RBM25: variants seen among roughly 807,000 people sequenced by gnomAD.
RBM25 encodes RNA-binding protein 25.
In RBM25, 19 loss-of-function variants were observed where a neutral mutation model predicts 120.7. The observed-to-expected ratio is 0.16, with a 90% CI of 0.11 to 0.23. The LOEUF (loss-of-function observed/expected upper bound fraction) is 0.23. Among genes scored for constraint, RBM25 ranks in the 10% least tolerant of loss-of-function variants. The pLI, the probability that RBM25 is intolerant of heterozygous loss-of-function variation, is 1.00. For missense variants in RBM25, 605 were observed against 1,041.5 expected (o/e 0.58, Z 5.77); for synonymous variants, 390 against 326.7 (o/e 1.19, Z -2.09).
chr14:73,059,251 C>T (rs915302890), intron 1 of RBM25: 1 of 152,302 alleles, frequency 6.6e-6, no homozygotes, highest in South Asian at 2.1e-4. Context: ...GGGCCCCACC[C>T]CCTTGGAATT....
chr14:73,089,966 A>G (rs1895773993), intron 6 of RBM25, among the ~76,000 whole-genome samples: 1 of 152,110 alleles, frequency 6.6e-6, no homozygotes, highest in Non-Finnish European at 1.5e-5. Flanking sequence ...CTGTATTTCT[A>G]AAACATAAGT....
At chr14:73,103,932 TCTCTCTCTCTCTCTCTCACACACACACA>T (rs1450197038) in intron 10 of RBM25, among the ~76,000 whole-genome samples, 305 of 83,434 alleles carry the variant, frequency 3.7e-3, no homozygotes, top group East Asian at 0.016. Flanking sequence ...TCTCTCTCTC[TCTCTCTCTCTCTCTCTCACACACACACA>T]CACACACACA....
rs768061917 is a variant in RBM25 at position 73,105,911 on chromosome 14, A to AGAGAACGAGAGC, written c.1218_1229dup (p.Arg423_Glu426dup). The AGAGAACGAGAGC allele has an allele frequency of 6.2e-6, 10 of 1,613,030 alleles. No individual in the cohort carries two copies. Among genetic ancestry groups the AGAGAACGAGAGC allele is most frequent in the South Asian group, 1.1e-5 (1 of 90,932 alleles). On this transcript the variant is annotated inframe_insertion, in exon 11 of 19. Coordinates refer to ENST00000261973, the MANE Select transcript of RBM25 (RefSeq NM_021239.3). ...ACGAGAGCGGGAAAGAGAGAGAGAG[A>AGAGAACGAGAGC]GAGAACGAGAGCGAGAACGAGAACG...
At chr14:73,061,344 C>T (rs1382263241) in intron 1 of RBM25, among the ~76,000 whole-genome samples, 7 of 151,240 alleles carry the variant, frequency 4.6e-5, no homozygotes, top group African/African-American at 1.2e-4. Flanking sequence ...CGTGAGCCAC[C>T]GCACTTGGCC....
intron 3 of RBM25, 82 bp downstream of exon 3, chr14:73,076,450 AT>A (rs1895425184): frequency 2.4e-6 from 3 of 1,227,452 alleles, no homozygotes; most frequent in Non-Finnish European, 3.6e-6. Flanking sequence ...ACTTAGATAA[AT>A]TATGAGTATT....
In RBM25 at chr14:73,092,764, G is replaced by C. The variant is rs1200664436; in HGVS notation, c.544-4151G>C. On this transcript the variant is annotated intron_variant, in intron 6 of 18. Coordinates refer to ENST00000261973, the MANE Select transcript of RBM25 (RefSeq NM_021239.3). ...TCTTTTTTTTATGAGATGGGGTCTC[G>C]CGTTGTTGCCCAGGCTGGTGTCGAA... Among the ~76,000 whole-genome samples the C allele has an allele frequency of 1.3e-5, 2 of 151,702 alleles. 1 individual carries two copies. Among genetic ancestry groups the C allele is most frequent in the South Asian group, 4.2e-4 (2 of 4,798 alleles).
chr14:73,114,684 A>G (rs963810875), intron 18 of RBM25, among the ~76,000 whole-genome samples: 2 of 152,194 alleles, frequency 1.3e-5, no homozygotes, highest in African/African-American at 2.4e-5. Flanking sequence ...TCACAAGGTC[A>G]AGAGATCGAG....
At chr14:73,113,056 A>G (rs574907984) in intron 17 of RBM25, among the ~76,000 whole-genome samples, 1 of 152,004 alleles carries the variant, frequency 6.6e-6, no homozygotes, top group Non-Finnish European at 1.5e-5. Context: ...ATAGGAGTAC[A>G]TGTGCCATGG....
At chr14:73,118,069 G>T (rs1334477242) in intron 18 of RBM25, among the ~76,000 whole-genome samples, 1 of 152,200 alleles carries the variant, frequency 6.6e-6, no homozygotes, top group African/African-American at 2.4e-5. Context: ...TGTGTGCCCC[G>T]TGATGATTGT....
intron 15 of RBM25, 52 bp from the exon 16 acceptor site, chr14:73,111,476 A>G (rs1260731705): frequency 1.3e-6 from 2 of 1,515,138 alleles, no homozygotes; most frequent in Admixed American, 2.2e-5. Context: ...GGGTTATAAA[A>G]TGAAACATTT....
intron 9 of RBM25, chr14:73,101,777 G>A (rs1896061324): frequency 6.6e-6 from 1 of 152,076 alleles, no homozygotes; most frequent in Non-Finnish European, 1.5e-5. Flanking sequence ...CTTTATAAGT[G>A]TATGCCATTG....
chr14:73,068,875 A>ATT (rs1222436418), intron 1 of RBM25, among the ~76,000 whole-genome samples: 1 of 151,626 alleles, frequency 6.6e-6, no homozygotes, highest in Non-Finnish European at 1.5e-5. Flanking sequence ...CGCCCAGCCA[A>ATT]TTTACTGCAT....
chr14:73,076,177 A>C lies in RBM25; in HGVS notation c.107-142A>C. 3 of 700,754 alleles carry C rather than the reference A, an allele frequency of 4.3e-6. No individual in the cohort carries two copies. In the Middle Eastern group the frequency reaches 7.5e-4, roughly 175 times the overall value. The allele number at this position is 700,754 out of a possible 1,614,324, so 43.4% of individuals were successfully genotyped here. On this transcript the variant is annotated intron_variant, in intron 2 of 18. Transcript: ENST00000261973. ...CTGATACCACATTCCTTTTGAAAATAAGATAGTATTTATCAGTATTTCACT... is the reference window on the plus strand; with the variant it reads ...CTGATACCACATTCCTTTTGAAAATCAGATAGTATTTATCAGTATTTCACT...
chr14:73,111,632 C>T lies in RBM25; in HGVS notation c.2122C>T (p.Arg708Ter). Residue 708 changes from arginine (R) to a stop codon, truncating the protein, a stop_gained, in exon 16 of 19, where the codon CGA (arginine) becomes TGA (stop). Coordinates refer to ENST00000261973, the MANE Select transcript of RBM25 (RefSeq NM_021239.3). LOFTEE classifies it high-confidence loss of function. ...FEDEDSDDVP[R>*]KRKLVPLDYG... ...GGATGAAGACAGTGATGACGTACCC[C>T]GAAAAAGGAAACTGGTTCCCTTGGA... 1 of 1,613,894 alleles carries T rather than the reference C, an allele frequency of 6.2e-7. No homozygotes were observed. The highest frequency in any genetic ancestry group is 8.5e-7 in the Non-Finnish European group (1 of 1,179,982).
chr14:73,098,188 G>A (rs1166267535), intron 7 of RBM25, among the ~76,000 whole-genome samples: 1 of 152,224 alleles, frequency 6.6e-6, no homozygotes, highest in African/African-American at 2.4e-5. Context: ...GGAGGATGGT[G>A]GCGCAATTAC....
intron 5 of RBM25, among the ~76,000 whole-genome samples, 193 bp downstream of exon 5, chr14:73,083,744 A>G (rs1398722424): frequency 2.6e-5 from 4 of 152,316 alleles, no homozygotes; most frequent in Admixed American, 2.0e-4. Context: ...GATCAGAAGG[A>G]GGAAAAAGGT....
At chr14:73,067,021 G>T (rs1478837335) in intron 1 of RBM25, among the ~76,000 whole-genome samples, 1 of 151,580 alleles carries the variant, frequency 6.6e-6, no homozygotes, top group African/African-American at 2.4e-5. Context: ...ACATTTATAT[G>T]CTAGTTTTCA....
intron 2 of RBM25, 22 bp downstream of exon 2, chr14:73,071,769 T>C (rs982628318): frequency 3.2e-6 from 5 of 1,559,404 alleles, no homozygotes; most frequent in Non-Finnish European, 3.5e-6. Context: ...GATACTGTTT[T>C]TTGTCGTTAA....
At chr14:73,083,898 C>CTT (rs146202316) in intron 5 of RBM25, among the ~76,000 whole-genome samples, 16 of 141,170 alleles carry the variant, frequency 1.1e-4, no homozygotes, top group African/African-American at 2.1e-4. Flanking sequence ...GGCCTGTTAA[C>CTT]TTTTTTTTTT....
Sources: allele counts gnomAD v4.1 joint callset (sites outside exome capture counted in the v4.1 genomes callset), GRCh38; gene constraint gnomAD v4.1.1; transcripts MANE v1.5; gene names NCBI Gene and HGNC (gene_info 2026-07-23, HGNC 2026-07-21).